The following TAGLN2 variants were observed in gnomAD, a reference collection of about 807,000 sequenced individuals.
TAGLN2 encodes the protein transgelin-2.
In TAGLN2, 14 loss-of-function variants were observed where a neutral mutation model predicts 24.9. That is an observed-to-expected ratio of 0.56 (90% CI 0.37 to 0.88). The LOEUF (loss-of-function observed/expected upper bound fraction) is 0.88. TAGLN2 is among the 40% of genes least tolerant of loss of function. TAGLN2 has a pLI of 0.00. For synonymous variants in TAGLN2, 77 were observed against 98.2 expected, an observed-to-expected ratio of 0.78 and a Z score of 1.28; for missense variants, 208 against 258.9, an observed-to-expected ratio of 0.80 and a Z score of 1.35.
At chr1:159,922,426 AC>A (rs1650563909) in intron 1 of TAGLN2, among the ~76,000 whole-genome samples, 1 of 152,200 alleles carries the variant, frequency 6.6e-6, no homozygotes, top group Admixed American at 6.5e-5. Flanking sequence ...CGCCAGGCAC[AC>A]ACACCATCAG....
chr1:159,919,220 T>C lies in TAGLN2; in HGVS notation c.458+54A>G, dbSNP rs921062937. On this transcript the variant is annotated intron_variant, in intron 4 of 4. Coordinates refer to ENST00000368097, the MANE Select transcript of TAGLN2 (RefSeq NM_003564.3). Reference sequence around the variant, plus strand: ...GATAAGTTATTTCCTAGGGACAGGATTGGGCAGAAACAATGCACCTGCTGG... The same window carrying C: ...GATAAGTTATTTCCTAGGGACAGGACTGGGCAGAAACAATGCACCTGCTGG... The C allele has an allele frequency of 5.8e-5, 90 of 1,538,538 alleles. No homozygotes were observed. In the Middle Eastern group the frequency reaches 6.9e-4, roughly 12 times the overall value.
At chr1:159,921,100 A>T (rs1650517475) in intron 1 of TAGLN2, among the ~76,000 whole-genome samples, 1 of 152,230 alleles carries the variant, frequency 6.6e-6, no homozygotes, top group Admixed American at 6.5e-5. Context: ...AACAAATCGA[A>T]TTTCCTATGA....
At chr1:159,922,017 G>A (rs1345417100) in intron 1 of TAGLN2, among the ~76,000 whole-genome samples, 2 of 152,242 alleles carry the variant, frequency 1.3e-5, no homozygotes, top group East Asian at 1.9e-4. Context: ...CGTTCAAGGG[G>A]AAGAAAGAGA....
intron 1 of TAGLN2, among the ~76,000 whole-genome samples, chr1:159,922,402 GC>G (rs1374064719): frequency 6.6e-6 from 1 of 152,142 alleles, no homozygotes; most frequent in Non-Finnish European, 1.5e-5. Context: ...GTCAGTCTGG[GC>G]CCCGACCCAC....
At chr1:159,920,670 T>C in intron 1 of TAGLN2, 133 bp from the exon 2 acceptor site, 1 of 1,435,194 alleles carries the variant, frequency 7.0e-7, no homozygotes, top group African/African-American at 1.4e-5. Context: ...CCAGAACTGT[T>C]ACCAAATGCA....
intron 1 of TAGLN2, among the ~76,000 whole-genome samples, chr1:159,924,767 G>T (rs767722580): frequency 2.0e-5 from 3 of 152,128 alleles, no homozygotes; most frequent in Admixed American, 1.3e-4. Context: ...GCTCGGGCAG[G>T]GTAAAAGCAG....
chr1:159,919,863 G>T, intron 2 of TAGLN2, 28 bp from the exon 3 acceptor site: 4 of 1,608,754 alleles, frequency 2.5e-6, no homozygotes, highest in African/African-American at 1.3e-5. Flanking sequence ...GGGTGGAAAG[G>T]TGAGAATATG....
chr1:159,919,862 G>C, intron 2 of TAGLN2, 27 bp from the exon 3 acceptor site: 1 of 1,608,820 alleles, frequency 6.2e-7, no homozygotes, highest in East Asian at 2.2e-5. Context: ...GGGGTGGAAA[G>C]GTGAGAATAT....
chr1:159,921,934 CT>C (rs1391780891), intron 1 of TAGLN2, among the ~76,000 whole-genome samples: 4 of 152,256 alleles, frequency 2.6e-5, no homozygotes, highest in Admixed American at 6.5e-5. Context: ...CCTGGTTTGG[CT>C]TTTCTCTCTT....
At chr1:159,920,154 C>T (rs1487916392) in intron 2 of TAGLN2, 176 bp downstream of exon 2, 6 of 1,056,246 alleles carry the variant, frequency 5.7e-6, no homozygotes, top group East Asian at 2.5e-5. Context: ...CTCCACTCCA[C>T]GGGAAGGGAG....
At chr1:159,919,186 T>G in intron 4 of TAGLN2, 88 bp downstream of exon 4, 2 of 1,382,628 alleles carry the variant, frequency 1.4e-6, no homozygotes, top group Admixed American at 3.4e-5. Flanking sequence ...AAGGGCCAGC[T>G]GCTACTGAGA....
In TAGLN2 at chr1:159,918,774, G is replaced by C; in HGVS notation, c.*26C>G. 6.2e-7 allele frequency: 1 copy of C among 1,610,640 alleles called. No homozygotes were observed. Among genetic ancestry groups the C allele is most frequent in the Non-Finnish European group, 8.5e-7 (1 of 1,178,028 alleles). ...ACATATATATTAACCATTCGTGGGA[G>C]GGCAGGGGCAAGGCCTGGGGTGGGA... is the stretch of plus-strand genomic sequence containing the variant. On this transcript the variant is annotated 3_prime_UTR_variant, in exon 5 of 5. Transcript: ENST00000368097.
At chr1:159,924,055 A>G (rs886161815) in intron 1 of TAGLN2, among the ~76,000 whole-genome samples, 4 of 152,154 alleles carry the variant, frequency 2.6e-5, no homozygotes, top group African/African-American at 4.8e-5. Context: ...CTCAGGAAGT[A>G]GTTGTTCAGG....
intron 1 of TAGLN2, chr1:159,923,562 A>G (rs1233180426): frequency 5.2e-6 from 7 of 1,348,882 alleles, no homozygotes; most frequent in Non-Finnish European, 7.1e-6. Flanking sequence ...GATGGAACAC[A>G]GGAGAACTTC....
chr1:159,925,096 G>C (rs1185684246), intron 1 of TAGLN2: 1 of 152,230 alleles, frequency 6.6e-6, no homozygotes, highest in Non-Finnish European at 1.5e-5. Flanking sequence ...CCGGCGCCAC[G>C]ACCCGGGGTC....
rs187174577 is a variant in TAGLN2, at chr1:159,920,522, C to T, written c.-13G>A. Reference sequence around the variant, plus strand: ...CCCTGTTGGCCATTCCAATGGGTGGCGGTGGCTGCGGGGAGCTAGGGAGAG... The same window carrying T: ...CCCTGTTGGCCATTCCAATGGGTGGTGGTGGCTGCGGGGAGCTAGGGAGAG... On this transcript the variant is annotated 5_prime_UTR_variant, in exon 2 of 5. Transcript: ENST00000368097. 229 of 1,613,600 alleles carry T rather than the reference C, an allele frequency of 1.4e-4. 1 individual carries two copies. In the East Asian group the frequency reaches 4.8e-3, roughly 34 times the overall value.
rs1277074209 is a variant in TAGLN2, at chr1:159,918,231, T to C, written c.*569A>G. 2.0e-5 allele frequency: 3 copies of C among 152,312 alleles called. No individual in the cohort carries two copies. Among genetic ancestry groups the C allele is most frequent in the African/African-American group, 7.2e-5 (3 of 41,400 alleles). The allele number at this position is 152,312 out of a possible 1,614,324, so 9.4% of individuals were successfully genotyped here. ...CACCCCTTAGCCACAGTGAAGGGAATGGAAAATGAGAAGCCACGAGGGCCC... is the reference window on the plus strand; with the variant it reads ...CACCCCTTAGCCACAGTGAAGGGAACGGAAAATGAGAAGCCACGAGGGCCC... On this transcript the variant is annotated 3_prime_UTR_variant, in exon 5 of 5. Coordinates refer to ENST00000368097, the MANE Select transcript of TAGLN2 (RefSeq NM_003564.3).
chr1:159,923,702 C>T lies in TAGLN2; in HGVS notation c.-29+1748G>A. The T allele has an allele frequency of 7.2e-6, 3 of 417,176 alleles. No individual in the cohort carries two copies. In the South Asian group the frequency reaches 1.6e-4, roughly 23 times the overall value. The allele number at this position is 417,176 out of a possible 1,614,324, so 25.8% of individuals were successfully genotyped here. A position where few individuals can be genotyped will look rare whatever the true frequency, so the allele number is the denominator to read the frequency against. On this transcript the variant is annotated intron_variant, in intron 1 of 4. Transcript: ENST00000368097. Reference sequence around the variant, plus strand: ...CACAATTAAGGGAACCACCGTAGGGCAGCCCCTCACCACCGAGAGTCAGGA... The same window carrying T: ...CACAATTAAGGGAACCACCGTAGGGTAGCCCCTCACCACCGAGAGTCAGGA...
In TAGLN2 at chr1:159,919,749, C is replaced by G; in HGVS notation, c.267G>C (p.Gln89His). 6.2e-7 allele frequency: 1 copy of G among 1,614,042 alleles called. No homozygotes were observed. The highest frequency in any genetic ancestry group is 8.5e-7 in the Non-Finnish European group (1 of 1,179,962). ...GCAGGAACTGAGAGATCTGCTCCATCTGCTTGAAGGCCATGGTGGAGGCCT... is the reference window on the plus strand; with the variant it reads ...GCAGGAACTGAGAGATCTGCTCCATGTGCTTGAAGGCCATGGTGGAGGCCT... Reference protein sequence around the residue: ...KIQASTMAFKQMEQISQFLQA... With the variant: ...KIQASTMAFKHMEQISQFLQA... The change falls in exon 3 of 5, where the codon CAG becomes CAC. Residue 89 changes from glutamine (Q) to histidine (H), a missense_variant. By Grantham distance (24) the Gln-to-His change is conservative. Transcript: ENST00000368097.
Sources: allele counts gnomAD v4.1 joint callset (sites outside exome capture counted in the v4.1 genomes callset), GRCh38; gene constraint gnomAD v4.1.1; transcripts MANE v1.5; gene names NCBI Gene and HGNC (gene_info 2026-07-23, HGNC 2026-07-21).